MAG: variants seen among roughly 807,000 people sequenced by gnomAD.
MAG encodes the protein myelin associated glycoprotein.
Under a neutral mutation model 60.7 loss-of-function variants are expected in MAG, and 30 were observed. That is an observed-to-expected ratio of 0.49 (90% CI 0.37 to 0.67). MAG has a LOEUF of 0.67. Ranked by LOEUF, MAG falls within the 30% of genes least tolerant of loss-of-function variation. The probability of loss-of-function intolerance (pLI) is 0.00; values close to 1 mark genes in which losing one functional copy is unlikely to be tolerated. For missense variants in MAG, 795 were observed against 851.7 expected, an observed-to-expected ratio of 0.93 and a Z score of 0.83; for synonymous variants, 384 against 376.8, an observed-to-expected ratio of 1.02 and a Z score of -0.22.
intron 7 of MAG, among the ~76,000 whole-genome samples, chr19:35,307,318 AC>A (rs1439421416): frequency 6.6e-6 from 1 of 152,160 alleles, no homozygotes; most frequent in Non-Finnish European, 1.5e-5. Context: ...CACCACCGTT[AC>A]CGGCACATTC....
In MAG at chr19:35,295,577, G is replaced by A. The variant is rs1372229248; in HGVS notation, c.47-36G>A. On this transcript the variant is annotated intron_variant, in intron 3 of 10. Coordinates refer to ENST00000392213, the MANE Select transcript of MAG (RefSeq NM_002361.4). This position sits in a 1 kb window ranked among gnomAD's most constrained non-coding sequence, Gnocchi z 5.8. ...GCCGGAGGGGGTGATCGGGTAGGAC[G>A]TGTCCCTGAGCCTCAGCTCTCCTGC... The A allele has an allele frequency of 3.8e-6, 6 of 1,594,054 alleles. No individual in the cohort carries two copies. The African/African-American group carries it at 4.0e-5, about 11-fold the overall frequency.
Position 35,295,282 on chromosome 19 carries a change from A to T in MAG, c.-23-104A>T. The T allele has an allele frequency of 1.2e-6, 1 of 859,470 alleles. No individual in the cohort carries two copies. Among genetic ancestry groups the T allele is most frequent in the Non-Finnish European group, 1.8e-6 (1 of 544,764 alleles). The allele number at this position is 859,470 out of a possible 1,614,324, so 53.2% of individuals were successfully genotyped here. ...GTAAATAAATGCATAAATAAATAAT[A>T]ATAGCAGCAGCAGCTAACATATGAA... On this transcript the variant is annotated intron_variant, in intron 2 of 10. Transcript: ENST00000392213. The surrounding 1 kb of genome is among the most constrained non-coding windows in gnomAD (Gnocchi z 5.8).
At chr19:35,310,274 A>G in intron 8 of MAG, 113 bp downstream of exon 8, 1 of 1,343,348 alleles carries the variant, frequency 7.4e-7, no homozygotes. Flanking sequence ...GATTGACAGA[A>G]AGGTCAAATT....
At position 35,304,728 on chromosome 19, in the gene MAG, C is replaced by T. The variant is rs148408082; in HGVS notation, c.1231+2020C>T. 9.4e-3 allele frequency among the ~76,000 whole-genome samples: 1,435 copies of T among 151,938 alleles called. 31 individuals carry two copies. The highest frequency in any genetic ancestry group is 0.033 in the African/African-American group (1,347 of 41,422). On this transcript the variant is annotated intron_variant, in intron 7 of 10. Transcript: ENST00000392213. Reference sequence around the variant, plus strand: ...GCTAATTTTTTATTTTTAGTAGAGACGGGGTTTCTCCATGTTGCCCAGGCT... The same window carrying T: ...GCTAATTTTTTATTTTTAGTAGAGATGGGGTTTCTCCATGTTGCCCAGGCT...
chr19:35,295,358 C>G lies in MAG; in HGVS notation c.-23-28C>G, dbSNP rs965677270. On this transcript the variant is annotated intron_variant, in intron 2 of 10. Transcript: ENST00000392213. This position sits in a 1 kb window ranked among gnomAD's most constrained non-coding sequence, Gnocchi z 5.8. ...GAACACCCCCTTTCACTTCCCCCAGCCTTTAACCCTCTCCTCTCCCTTTCC... is the reference window on the plus strand; with the variant it reads ...GAACACCCCCTTTCACTTCCCCCAGGCTTTAACCCTCTCCTCTCCCTTTCC... 4.4e-6 allele frequency: 7 copies of G among 1,605,560 alleles called. No homozygotes were observed. Among genetic ancestry groups the G allele is most frequent in the African/African-American group, 4.0e-5 (3 of 74,872 alleles).
At chr19:35,300,059 A>G (rs1394844184) in intron 5 of MAG, 88 bp from the exon 6 acceptor site, 4 of 975,322 alleles carry the variant, frequency 4.1e-6, no homozygotes, top group Non-Finnish European at 5.1e-6. Context: ...GGGGCCGGAC[A>G]GTGTTGGGGG....
At chr19:35,307,993 G>A (rs1341731665) in intron 7 of MAG, among the ~76,000 whole-genome samples, 3 of 152,190 alleles carry the variant, frequency 2.0e-5, no homozygotes, top group Non-Finnish European at 2.9e-5. Context: ...CCAAGGGTCT[G>A]GGGAGGCCGG....
At chr19:35,299,474 A>T in intron 4 of MAG, 80 bp from the exon 5 acceptor site, 1 of 831,108 alleles carries the variant, frequency 1.2e-6, no homozygotes, top group Non-Finnish European at 1.7e-6. Context: ...GAGGTGGACA[A>T]GGAGGAGGGT....
intron 5 of MAG, 108 bp from the exon 6 acceptor site, chr19:35,300,039 G>A (rs1243149626): frequency 7.2e-7 from 1 of 1,396,398 alleles, no homozygotes; most frequent in Non-Finnish European, 9.3e-7. Flanking sequence ...GCGGGGCCAA[G>A]GCTGAGGGCG....
At position 35,310,584 on chromosome 19, in the gene MAG, C is replaced by T. The variant is rs199804955; in HGVS notation, c.1557C>T (p.Ala519=). The T allele has an allele frequency of 2.0e-5, 32 of 1,614,034 alleles. No individual in the cohort carries two copies. The highest frequency in any genetic ancestry group is 2.6e-5 in the Non-Finnish European group (31 of 1,180,036). ...GGGCCAAGATCGGGCCTGTGGGCGC[C>T]GTGGTCGCCTTTGCCATCCTGATTG... ...LMWAKIGPVG[A]VVAFAILIAI... is the part of the protein sequence containing the mutation. Residue 519 remains alanine (A), a synonymous_variant, in exon 9 of 11, where the codon GCC becomes GCT. Transcript: ENST00000392213.
At chr19:35,297,782 C>G (rs561723665) in intron 4 of MAG, among the ~76,000 whole-genome samples, 1 of 144,634 alleles carries the variant, frequency 6.9e-6, no homozygotes, top group African/African-American at 2.6e-5. Context: ...CACATACATG[C>G]GCCACCCCCA....
Position 35,313,408 on chromosome 19 carries a change from C to G in MAG, c.1835C>G (p.Thr612Arg), listed in dbSNP as rs201203320. 5 of 1,613,792 alleles carry G rather than the reference C, an allele frequency of 3.1e-6. No homozygotes were observed. The highest frequency in any genetic ancestry group is 4.2e-6 in the Non-Finnish European group (5 of 1,179,928). Residue 612 changes from threonine (T) to arginine (R), a missense_variant, in exon 11 of 11, where the codon ACG becomes AGG. Transcript: ENST00000392213. ...LGKRPTKDSY[T>R]LTEELAEYAE... ...AAACGGCCCACCAAGGACAGCTACA[C>G]GCTGACGGAGGAGCTAGCTGAGTAT... is the stretch of plus-strand genomic sequence containing the variant.
chr19:35,310,728 G>C, intron 9 of MAG, 85 bp downstream of exon 9: 1 of 1,150,262 alleles, frequency 8.7e-7, no homozygotes, highest in Non-Finnish European at 1.3e-6. Context: ...GTGGGTGGGG[G>C]AAGGCAGCAC....
rs762153000 is a variant in MAG at position 35,295,367 on chromosome 19, C to G, written c.-23-19C>G. ...CTTTCACTTCCCCCAGCCTTTAACC[C>G]TCTCCTCTCCCTTTCCAGCGATCAC... On this transcript the variant is annotated intron_variant, in intron 2 of 10. Coordinates refer to ENST00000392213, the MANE Select transcript of MAG (RefSeq NM_002361.4). This position sits in a 1 kb window ranked among gnomAD's most constrained non-coding sequence, Gnocchi z 5.8. The G allele has an allele frequency of 1.2e-6, 2 of 1,610,918 alleles. No homozygotes were observed. Among genetic ancestry groups the G allele is most frequent in the Non-Finnish European group, 1.7e-6 (2 of 1,178,266 alleles).
chr19:35,312,199 T>G, intron 10 of MAG, 182 bp downstream of exon 10: 1 of 1,387,296 alleles, frequency 7.2e-7, no homozygotes. Flanking sequence ...GCCGAAGCTG[T>G]GTAGGGGGCG....
chr19:35,298,850 A>T (rs984729684), intron 4 of MAG, among the ~76,000 whole-genome samples: 1 of 150,820 alleles, frequency 6.6e-6, no homozygotes, highest in African/African-American at 2.4e-5. Flanking sequence ...CACACACACC[A>T]CACATGACAC....
intron 4 of MAG, among the ~76,000 whole-genome samples, chr19:35,296,675 A>G (rs2066400246): frequency 6.6e-6 from 1 of 151,636 alleles, no homozygotes; most frequent in African/African-American, 2.4e-5. Context: ...TGCTGCTTGG[A>G]GTCCTCAGCG....
intron 10 of MAG, chr19:35,312,492 T>G: frequency 2.3e-6 from 1 of 430,972 alleles, no homozygotes. Context: ...AGCTCCCTTC[T>G]GTCTGTGGCC....
chr19:35,309,712 C>G lies in MAG; in HGVS notation c.1232-162C>G, dbSNP rs531943674. 3.3e-5 allele frequency: 26 copies of G among 779,686 alleles called. No homozygotes were observed. In the South Asian group the frequency reaches 4.4e-4, roughly 13 times the overall value. The allele number at this position is 779,686 out of a possible 1,614,324, so 48.3% of individuals were successfully genotyped here. On this transcript the variant is annotated intron_variant, in intron 7 of 10. Coordinates refer to ENST00000392213, the MANE Select transcript of MAG (RefSeq NM_002361.4). ...GGGGTCGTAGTGAGGTCAAGGCGCT[C>G]TCAGTCAGGACAGAGAAAAAAGGAG...
Sources: allele counts gnomAD v4.1 joint callset (sites outside exome capture counted in the v4.1 genomes callset), GRCh38; gene constraint gnomAD v4.1.1; non-coding constraint Gnocchi (gnomAD v3.1); transcripts MANE v1.5; gene names NCBI Gene and HGNC (gene_info 2026-07-23, HGNC 2026-07-21).